Variants in TRDN observed in about 807,000 individuals in gnomAD.
TRDN encodes the protein triadin in skeletal muscle.
Under a neutral mutation model 149.7 loss-of-function variants are expected in TRDN, and 161 were observed. The observed-to-expected ratio is 1.08, with a 90% CI of 0.95 to 1.23. The LOEUF is 1.23. Ranked by LOEUF, TRDN falls within the 50% of genes most tolerant of loss-of-function variation. The probability of loss-of-function intolerance (pLI) is 0.00; values close to 1 mark genes in which losing one functional copy is unlikely to be tolerated. For missense variants in TRDN, 896 were observed against 823.5 expected, an observed-to-expected ratio of 1.09 and a Z score of -1.08; for synonymous variants, 294 against 250.5, an observed-to-expected ratio of 1.17 and a Z score of -1.64.
chr6:123,574,019 C>A (rs1194336087), intron 1 of TRDN, among the ~76,000 whole-genome samples: 4 of 151,936 alleles, frequency 2.6e-5, no homozygotes, highest in Non-Finnish European at 5.9e-5. Flanking sequence ...ACATGAAATT[C>A]TATGACTAAT....
intron 1 of TRDN, among the ~76,000 whole-genome samples, chr6:123,635,505 A>G (rs1786263101): frequency 6.6e-6 from 1 of 151,940 alleles, no homozygotes; most frequent in South Asian, 2.1e-4. Flanking sequence ...AAACACACAT[A>G]ACGTTCTGAG....
At chr6:123,599,427 T>C (rs941815) in intron 1 of TRDN, among the ~76,000 whole-genome samples, 83,659 of 151,902 alleles carry the variant, frequency 0.55, 23,474 homozygotes, top group Admixed American at 0.65. Context: ...GAGATGTAAA[T>C]AATTCAGAAA....
chr6:123,547,507 T>C (rs1032683484), intron 3 of TRDN, 135 bp from the exon 4 acceptor site: 2 of 471,576 alleles, frequency 4.2e-6, no homozygotes, highest in Non-Finnish European at 3.6e-6. Context: ...ATTACTTTGC[T>C]TCCCAAATTC....
chr6:123,269,183 C>T (rs1046600373), intron 31 of TRDN, among the ~76,000 whole-genome samples: 5 of 151,912 alleles, frequency 3.3e-5, no homozygotes, highest in African/African-American at 1.2e-4. Flanking sequence ...ATATTTATGC[C>T]TTCCTGAGTC....
intron 9 of TRDN, among the ~76,000 whole-genome samples, chr6:123,474,475 T>C (rs561768382): frequency 6.6e-6 from 1 of 152,148 alleles, no homozygotes; most frequent in East Asian, 1.9e-4. Context: ...ACATTAATAA[T>C]GGGAGACTTT....
At chr6:123,365,005 C>A (rs995633749) in intron 20 of TRDN, among the ~76,000 whole-genome samples, 3 of 152,198 alleles carry the variant, frequency 2.0e-5, no homozygotes, top group Admixed American at 6.5e-5. Context: ...AAATGAATTA[C>A]TCTGCCATTT....
chr6:123,335,359 C>T (rs1459366195), intron 22 of TRDN, among the ~76,000 whole-genome samples: 1 of 151,686 alleles, frequency 6.6e-6, no homozygotes, highest in Non-Finnish European at 1.5e-5. Context: ...GATAATTTTA[C>T]ATTGAGCAAA....
chr6:123,335,076 CAAT>C (rs1187857756), intron 22 of TRDN, among the ~76,000 whole-genome samples: 1 of 151,896 alleles, frequency 6.6e-6, no homozygotes, highest in African/African-American at 2.4e-5. Flanking sequence ...TCTCCAAAAA[CAAT>C]AACACTGCAG....
chr6:123,571,750 T>A (rs1048855225), intron 1 of TRDN, among the ~76,000 whole-genome samples: 5 of 152,128 alleles, frequency 3.3e-5, no homozygotes, highest in Non-Finnish European at 5.9e-5. Flanking sequence ...TAAATATGGT[T>A]TATCTGGTTT....
chr6:123,526,332 TCAACCAGCAGGA>T (rs1217789202), intron 5 of TRDN, among the ~76,000 whole-genome samples: 1 of 151,814 alleles, frequency 6.6e-6, no homozygotes, highest in Non-Finnish European at 1.5e-5. Context: ...ATCAGTGAGG[TCAACCAGCAGGA>T]AGCAAGGTTC....
At chr6:123,275,489 A>T (rs1777340102) in intron 26 of TRDN, among the ~76,000 whole-genome samples, 1 of 152,132 alleles carries the variant, frequency 6.6e-6, no homozygotes, top group East Asian at 1.9e-4. Context: ...CAACACCTTG[A>T]TTTTGGACTT....
intron 1 of TRDN, among the ~76,000 whole-genome samples, chr6:123,595,864 C>A (rs1312592793): frequency 6.6e-6 from 1 of 152,106 alleles, no homozygotes; most frequent in Non-Finnish European, 1.5e-5. Context: ...CATCTCTACT[C>A]TCTCTCCCTC....
At chr6:123,377,632 C>T (rs1781559032) in intron 18 of TRDN, 84 bp downstream of exon 18, 4 of 1,515,906 alleles carry the variant, frequency 2.6e-6, no homozygotes, top group Non-Finnish European at 3.6e-6. Flanking sequence ...TTTACTGGCG[C>T]TGCCTTACCA....
intron 4 of TRDN, among the ~76,000 whole-genome samples, chr6:123,539,059 G>T (rs995445115): frequency 6.6e-6 from 1 of 152,142 alleles, no homozygotes; most frequent in African/African-American, 2.4e-5. Context: ...CTGTACATGA[G>T]AATTATCTGG....
chr6:123,486,291 A>C (rs1777966497), intron 9 of TRDN, among the ~76,000 whole-genome samples: 1 of 151,032 alleles, frequency 6.6e-6, no homozygotes, highest in Admixed American at 6.6e-5. Flanking sequence ...AGTAAGATTG[A>C]TGATAGGCTT....
At chr6:123,353,461 C>G (rs767492094) in intron 20 of TRDN, among the ~76,000 whole-genome samples, 6 of 151,858 alleles carry the variant, frequency 4.0e-5, no homozygotes, top group Non-Finnish European at 8.8e-5. Flanking sequence ...ACAGTATCAT[C>G]TCTAAAGTAT....
intron 12 of TRDN, among the ~76,000 whole-genome samples, chr6:123,431,634 T>C (rs1004466517): frequency 3.9e-5 from 6 of 152,050 alleles, no homozygotes; most frequent in Non-Finnish European, 7.4e-5. Flanking sequence ...GTCTAGAAAA[T>C]GGAAGGATGT....
chr6:123,332,089 C>T (rs889387167), intron 22 of TRDN, among the ~76,000 whole-genome samples, 160 bp from the exon 23 acceptor site: 1 of 151,946 alleles, frequency 6.6e-6, no homozygotes, highest in Admixed American at 6.6e-5. Flanking sequence ...GACAAAGAAA[C>T]AACAGTATAG....
At chr6:123,596,346 G>C (rs1024850879) in intron 1 of TRDN, among the ~76,000 whole-genome samples, 1 of 152,026 alleles carries the variant, frequency 6.6e-6, no homozygotes, top group African/African-American at 2.4e-5. Flanking sequence ...ATGAGATTTA[G>C]TGAAATAAGC....
Sources: allele counts gnomAD v4.1 joint callset (sites outside exome capture counted in the v4.1 genomes callset), GRCh38; gene constraint gnomAD v4.1.1; transcripts MANE v1.5; gene names NCBI Gene and HGNC (gene_info 2026-07-23, HGNC 2026-07-21).